CDC5L: variants seen among roughly 807,000 people sequenced by gnomAD.
CDC5L encodes cell division cycle 5 like.
In CDC5L, 18 loss-of-function variants were observed where a neutral mutation model predicts 104.1. The ratio of observed to expected loss-of-function variants is 0.17; its 90% CI spans 0.12 to 0.26. CDC5L has a LOEUF of 0.26. CDC5L is among the 10% of genes least tolerant of loss of function. The pLI, the probability that CDC5L is intolerant of heterozygous loss-of-function variation, is 1.00. For synonymous variants in CDC5L, 331 were observed against 322.7 expected (o/e 1.03, Z -0.28); for missense variants, 673 against 956.9 (o/e 0.70, Z 3.91).
intron 13 of CDC5L, among the ~76,000 whole-genome samples, chr6:44,428,370 A>T (rs369043372): frequency 6.6e-6 from 1 of 151,694 alleles, no homozygotes; most frequent in African/African-American, 2.4e-5. Flanking sequence ...TGATGTGTTT[A>T]TTTTCATTAT....
intron 8 of CDC5L, among the ~76,000 whole-genome samples, chr6:44,412,653 C>T (rs1377159131): frequency 6.6e-6 from 1 of 151,422 alleles, no homozygotes. Flanking sequence ...ATATAAGGGA[C>T]ATTTAATGGA....
chr6:44,428,909 G>A (rs1345655455), intron 13 of CDC5L, among the ~76,000 whole-genome samples: 1 of 152,048 alleles, frequency 6.6e-6, no homozygotes, highest in Non-Finnish European at 1.5e-5. Context: ...GAGTGGGAGA[G>A]TGGAAGGGGC....
intron 3 of CDC5L, among the ~76,000 whole-genome samples, chr6:44,393,164 GTTTTTTTTT>G (rs773786751): frequency 9.3e-6 from 1 of 107,220 alleles, no homozygotes; most frequent in Non-Finnish European, 1.9e-5. Context: ...TTTACTAATA[GTTTTTTTTT>G]TTTTTTTTTT....
At chr6:44,407,743 C>T (rs995427451) in intron 7 of CDC5L, among the ~76,000 whole-genome samples, 60 of 152,186 alleles carry the variant, frequency 3.9e-4, no homozygotes, top group Non-Finnish European at 5.9e-5. Context: ...CACATGAGCA[C>T]ATTGGCTGCA....
rs747229409 is a variant in CDC5L at position 44,422,674 on chromosome 6, G to C, written c.1269G>C (p.Leu423=). The stretch of plus-strand genomic sequence containing the variant: ...CTCCTTCTAATGGAGCTGAAGGGCT[G>C]ACTCCCCGGAGTGGAACAACTCCCA... The part of the protein sequence containing the change: ...FRTPSNGAEG[L]TPRSGTTPKP... The change falls in exon 10 of 16, where the codon CTG becomes CTC. Residue 423 remains leucine (L), a synonymous_variant. Transcript: ENST00000371477. 7.4e-6 allele frequency: 12 copies of C among 1,610,926 alleles called. No homozygotes were observed. Among genetic ancestry groups the C allele is most frequent in the Non-Finnish European group, 1.0e-5 (12 of 1,178,610 alleles).
At position 44,448,176 on chromosome 6, in the gene CDC5L, A is replaced by G. The variant is rs1793520761; in HGVS notation, c.*1465A>G. ...GTGAGATTCAAGGAAAGAACATCCT[A>G]GGTGGAGTGAATAGCAAACATAAAG... On this transcript the variant is annotated 3_prime_UTR_variant, in exon 16 of 16. Transcript: ENST00000371477. 6.6e-6 allele frequency: 1 copy of G among 152,206 alleles called. No homozygotes were observed. Among genetic ancestry groups the G allele is most frequent in the Non-Finnish European group, 1.5e-5 (1 of 68,026 alleles). 9.4% of individuals were successfully genotyped at this position (152,206 alleles called of 1,614,324 possible).
chr6:44,406,951 C>G (rs915610076), intron 7 of CDC5L, among the ~76,000 whole-genome samples: 1 of 151,814 alleles, frequency 6.6e-6, no homozygotes, highest in Admixed American at 6.6e-5. Context: ...CAAAAAAAAC[C>G]CCACAAGTAA....
chr6:44,388,554 A>G (rs1339198242), intron 1 of CDC5L, among the ~76,000 whole-genome samples: 1 of 148,634 alleles, frequency 6.7e-6, no homozygotes, highest in Non-Finnish European at 1.5e-5. Context: ...GTAGAGTGGG[A>G]GTGAAATAGA....
chr6:44,432,522 A>T (rs557138892), intron 14 of CDC5L, among the ~76,000 whole-genome samples: 2 of 135,208 alleles, frequency 1.5e-5, no homozygotes, highest in East Asian at 2.0e-4. Context: ...TGAATGGATT[A>T]AAAAAAAAAA....
intron 14 of CDC5L, 32 bp downstream of exon 14, chr6:44,429,942 T>A: frequency 1.3e-6 from 2 of 1,529,604 alleles, no homozygotes; most frequent in Non-Finnish European, 1.8e-6. Flanking sequence ...TAATTTTAAA[T>A]GTACTTTGAT....
intron 8 of CDC5L, among the ~76,000 whole-genome samples, chr6:44,410,534 T>C (rs1001613959): frequency 6.6e-6 from 1 of 152,186 alleles, no homozygotes; most frequent in Non-Finnish European, 1.5e-5. Context: ...TAATCTACCC[T>C]CTTGGTTGAT....
intron 14 of CDC5L, among the ~76,000 whole-genome samples, chr6:44,440,434 G>C (rs934459074): frequency 4.7e-5 from 7 of 149,632 alleles, no homozygotes; most frequent in African/African-American, 1.7e-4. Flanking sequence ...TAGAGATGGG[G>C]GTTTTGTCAT....
In CDC5L at chr6:44,390,929, CAT is replaced by C. The variant is rs562469792; in HGVS notation, c.149+561_149+562del. Among the ~76,000 whole-genome samples the C allele has an allele frequency of 8.9e-3, 1,235 of 138,116 alleles. 23 individuals are homozygous for C. Among genetic ancestry groups the C allele is most frequent in the African/African-American group, 0.032 (1,164 of 36,326 alleles). The allele number at this position is 138,116 out of a possible 152,430, so 90.6% of individuals were successfully genotyped here. A position where few individuals can be genotyped will look rare whatever the true frequency, so the allele number is the denominator to read the frequency against. ...TTAATGTTATATATTATATATTAAACATATTTAATATGTTATATATTATATAT... is the reference window on the plus strand; with the variant it reads ...TTAATGTTATATATTATATATTAAACATTTAATATGTTATATATTATATAT... On this transcript the variant is annotated intron_variant, in intron 2 of 15. Transcript: ENST00000371477.
At chr6:44,397,233 C>T (rs1258733727) in intron 5 of CDC5L, among the ~76,000 whole-genome samples, 2 of 152,146 alleles carry the variant, frequency 1.3e-5, no homozygotes, top group African/African-American at 4.8e-5. Flanking sequence ...TTGGAAGAGT[C>T]CCAGGATTTT....
chr6:44,412,308 CT>C (rs36108951), intron 8 of CDC5L, among the ~76,000 whole-genome samples: 140,828 of 145,794 alleles, frequency 0.97, 68,041 homozygotes, highest in East Asian at 1. Context: ...CTGTCCCCCA[CT>C]TTTTTTTTTT....
chr6:44,427,867 G>A (rs1253198826), intron 13 of CDC5L, among the ~76,000 whole-genome samples: 1 of 152,184 alleles, frequency 6.6e-6, no homozygotes, highest in Non-Finnish European at 1.5e-5. Flanking sequence ...TGTATGTATG[G>A]AAACCTAAAA....
intron 8 of CDC5L, among the ~76,000 whole-genome samples, chr6:44,414,854 A>C (rs1791839868): frequency 6.6e-6 from 1 of 152,176 alleles, no homozygotes; most frequent in Admixed American, 6.5e-5. Flanking sequence ...AATTCTTTCC[A>C]ACCCTGGGTC....
At chr6:44,419,882 C>T (rs1205753975) in intron 9 of CDC5L, among the ~76,000 whole-genome samples, 3 of 152,130 alleles carry the variant, frequency 2.0e-5, no homozygotes, top group South Asian at 2.1e-4. Flanking sequence ...AAGCGATTCT[C>T]GTGCCTCAGC....
At chr6:44,432,121 T>C (rs1372094162) in intron 14 of CDC5L, among the ~76,000 whole-genome samples, 1 of 152,264 alleles carries the variant, frequency 6.6e-6, no homozygotes, top group Non-Finnish European at 1.5e-5. Context: ...ACCCCCATTT[T>C]ATTTGTATCC....
Sources: allele counts gnomAD v4.1 joint callset (sites outside exome capture counted in the v4.1 genomes callset), GRCh38; gene constraint gnomAD v4.1.1; transcripts MANE v1.5; gene names NCBI Gene and HGNC (gene_info 2026-07-23, HGNC 2026-07-21).